The following PIP4K2A variants were observed in gnomAD, a reference collection of about 807,000 sequenced individuals.
PIP4K2A encodes the protein phosphatidylinositol-5-phosphate 4-kinase type 2 alpha.
PIP4K2A carries 14 observed loss-of-function variants against 42.9 expected under a neutral mutation model. The observed-to-expected ratio is 0.33, with a 90% CI of 0.22 to 0.51. PIP4K2A has a LOEUF of 0.51. Among genes scored for constraint, PIP4K2A ranks in the 20% least tolerant of loss-of-function variants. The pLI is 0.97. For missense variants in PIP4K2A, 434 were observed against 519.8 expected, an observed-to-expected ratio of 0.83 and a Z score of 1.61; for synonymous variants, 192 against 192.2, an observed-to-expected ratio of 1.00 and a Z score of 0.01.
chr10:22,657,394 A>G (rs1294407103), intron 1 of PIP4K2A, among the ~76,000 whole-genome samples: 1 of 152,246 alleles, frequency 6.6e-6, no homozygotes. Context: ...AAGGTATTCC[A>G]TATTTCAAGG....
chr10:22,559,267 G>C (rs1474528652), intron 6 of PIP4K2A, among the ~76,000 whole-genome samples: 1 of 152,148 alleles, frequency 6.6e-6, no homozygotes, highest in Non-Finnish European at 1.5e-5. Context: ...CTGAATTTTG[G>C]AAGTCTTCTC....
intron 4 of PIP4K2A, among the ~76,000 whole-genome samples, chr10:22,584,694 T>G (rs1208838570): frequency 1.3e-5 from 2 of 152,028 alleles, no homozygotes; most frequent in African/African-American, 4.8e-5. Context: ...CCACAGGAAC[T>G]CCCAAGATGA....
At chr10:22,591,525 T>A (rs1375223238) in intron 4 of PIP4K2A, 104 bp downstream of exon 4, 1 of 890,722 alleles carries the variant, frequency 1.1e-6, no homozygotes, top group African/African-American at 1.7e-5. Flanking sequence ...GTGAAATGTG[T>A]TCTTCTTGTT....
chr10:22,665,482 C>G (rs1221419274), intron 1 of PIP4K2A, among the ~76,000 whole-genome samples: 1 of 152,072 alleles, frequency 6.6e-6, no homozygotes, highest in African/African-American at 2.4e-5. Context: ...CACTCTGTCA[C>G]CCGTGCTGGA....
intron 1 of PIP4K2A, among the ~76,000 whole-genome samples, chr10:22,683,402 C>T (rs1839700439): frequency 6.6e-6 from 1 of 152,140 alleles, no homozygotes; most frequent in African/African-American, 2.4e-5. Flanking sequence ...TGCAAGGGGA[C>T]CTGAGTCAGA....
chr10:22,569,160 G>C, intron 5 of PIP4K2A: 2 of 821,662 alleles, frequency 2.4e-6, no homozygotes, highest in South Asian at 3.0e-5. Context: ...TTGAACGGAA[G>C]AGACTCCTCA....
chr10:22,610,859 G>A (rs1838019051), intron 1 of PIP4K2A, among the ~76,000 whole-genome samples: 1 of 152,128 alleles, frequency 6.6e-6, no homozygotes. Flanking sequence ...AATGATCTCC[G>A]GAGGAGAGCA....
intron 1 of PIP4K2A, among the ~76,000 whole-genome samples, chr10:22,627,858 C>G (rs1016686414): frequency 1.3e-5 from 2 of 152,088 alleles, no homozygotes; most frequent in Admixed American, 1.3e-4. Flanking sequence ...GCTGTCACAA[C>G]AGGATAAAAC....
In PIP4K2A at chr10:22,598,677, C is replaced by T. The variant is rs556594700; in HGVS notation, c.340-6896G>A. On this transcript the variant is annotated intron_variant, in intron 3 of 9. Coordinates refer to ENST00000376573, the MANE Select transcript of PIP4K2A (RefSeq NM_005028.5). ...GCAATGGGCTGAAGTCAGGGCTTTGCGTCCTCCCTCCAACTCACCCTTCCC... is the reference window on the plus strand; with the variant it reads ...GCAATGGGCTGAAGTCAGGGCTTTGTGTCCTCCCTCCAACTCACCCTTCCC... Among the ~76,000 whole-genome samples the T allele has an allele frequency of 1.4e-4, 21 of 152,266 alleles. No individual in the cohort carries two copies. The South Asian group carries it at 3.7e-3, about 27-fold the overall frequency.
intron 3 of PIP4K2A, among the ~76,000 whole-genome samples, chr10:22,603,448 C>G (rs1309636202): frequency 2.6e-5 from 4 of 151,980 alleles, no homozygotes; most frequent in African/African-American, 9.7e-5. Flanking sequence ...TCTTTCCAGT[C>G]TCTCTGGGTA....
chr10:22,713,254 G>A (rs1588721853), intron 1 of PIP4K2A, among the ~76,000 whole-genome samples: 1 of 152,282 alleles, frequency 6.6e-6, no homozygotes, highest in African/African-American at 2.4e-5. Context: ...AGCCCGCAGC[G>A]GCGCATCCTC....
chr10:22,582,033 T>C (rs1197833772), intron 4 of PIP4K2A, among the ~76,000 whole-genome samples: 2 of 152,118 alleles, frequency 1.3e-5, no homozygotes, highest in East Asian at 3.9e-4. Context: ...GTAGGATCAC[T>C]TGAGGCTGCA....
intron 1 of PIP4K2A, chr10:22,694,306 T>A (rs1839927971): frequency 6.6e-6 from 1 of 152,198 alleles, no homozygotes; most frequent in Non-Finnish European, 1.5e-5. Context: ...CTTATTTGGG[T>A]CCACAGGTTA....
At chr10:22,710,732 T>G (rs1833898796) in intron 1 of PIP4K2A, among the ~76,000 whole-genome samples, 1 of 152,232 alleles carries the variant, frequency 6.6e-6, no homozygotes, top group African/African-American at 2.4e-5. Context: ...TCATTTCAAC[T>G]TCTACAGCTT....
intron 6 of PIP4K2A, among the ~76,000 whole-genome samples, chr10:22,556,115 A>G (rs917337730): frequency 7.2e-5 from 11 of 152,200 alleles, no homozygotes; most frequent in Non-Finnish European, 1.6e-4. Flanking sequence ...AATTTGGAAG[A>G]CACTTTTGTC....
At chr10:22,685,615 T>G (rs925268308) in intron 1 of PIP4K2A, among the ~76,000 whole-genome samples, 1 of 152,096 alleles carries the variant, frequency 6.6e-6, no homozygotes, top group African/African-American at 2.4e-5. Flanking sequence ...CCAGGGGGGC[T>G]AAGGCTGATG....
At chr10:22,691,451 A>G (rs2130899394) in intron 1 of PIP4K2A, among the ~76,000 whole-genome samples, 1 of 120,946 alleles carries the variant, frequency 8.3e-6, no homozygotes, top group East Asian at 2.0e-4. Flanking sequence ...CTGCATATGC[A>G]TCTTTATACC....
intron 1 of PIP4K2A, among the ~76,000 whole-genome samples, chr10:22,682,653 C>G (rs942763408): frequency 6.6e-6 from 1 of 152,186 alleles, no homozygotes; most frequent in African/African-American, 2.4e-5. Flanking sequence ...CGCTGACAAG[C>G]ACATCACAGG....
At chr10:22,664,206 T>TATATATATATACATATATATAC (rs1564460337) in intron 1 of PIP4K2A, among the ~76,000 whole-genome samples, 7 of 45,944 alleles carry the variant, frequency 1.5e-4, no homozygotes, top group Non-Finnish European at 2.6e-4. Context: ...TATATATACA[T>TATATATATATACATATATATAC]ATATATATAT....
Sources: allele counts gnomAD v4.1 joint callset (sites outside exome capture counted in the v4.1 genomes callset), GRCh38; gene constraint gnomAD v4.1.1; transcripts MANE v1.5; gene names NCBI Gene and HGNC (gene_info 2026-07-23, HGNC 2026-07-21).